SV2A: variants seen among roughly 807,000 people sequenced by gnomAD.
The protein encoded by SV2A is solute carrier family 22 member B1.
A neutral mutation model predicts 78.0 loss-of-function variants in SV2A; 25 were observed. The observed-to-expected ratio is 0.32, with a 90% CI of 0.23 to 0.45. The LOEUF is 0.45. SV2A is among the 20% of genes least tolerant of loss of function. SV2A has a pLI of 1.00. For missense variants in SV2A, 752 were observed against 971.5 expected (o/e 0.77, Z 3.00); for synonymous variants, 355 against 384.7 (o/e 0.92, Z 0.90).
At chr1:149,911,174 G>A (rs1173212609) in intron 3 of SV2A, among the ~76,000 whole-genome samples, 197 bp from the exon 4 acceptor site, 1 of 152,196 alleles carries the variant, frequency 6.6e-6, no homozygotes, top group African/African-American at 2.4e-5. Flanking sequence ...AGGCAAGCGA[G>A]TCTCAGGGAA....
In SV2A at chr1:149,910,876, A is replaced by G. The variant is rs587683683; in HGVS notation, c.905T>C (p.Ile302Thr). The stretch of plus-strand genomic sequence containing the variant: ...CATAGCAGCTGCGTACACGCCACCA[A>G]TCATCCAAAACATGCAGAGCCAGCT... ...HLSWLCMFWM[I>T]GGVYAAAMAW... The change falls in exon 4 of 13, where the codon ATT becomes ACT. Residue 302 changes from isoleucine to threonine, a missense_variant. This residue lies in a region of SV2A where 43 missense variants were observed against 70.8 expected (regional missense o/e 0.61). Coordinates refer to ENST00000369146, the MANE Select transcript of SV2A (RefSeq NM_014849.5). This position sits in a 1 kb window ranked among gnomAD's most constrained non-coding sequence, Gnocchi z 4.2. 3 of 1,614,248 alleles carry G rather than the reference A, an allele frequency of 1.9e-6. No homozygotes were observed. Among genetic ancestry groups the G allele is most frequent in the African/African-American group, 2.7e-5 (2 of 75,066 alleles).
Position 149,913,764 on chromosome 1 carries a change from G to A in SV2A, c.77C>T (p.Ala26Val), listed in dbSNP as rs1266350376. 9.9e-6 allele frequency: 16 copies of A among 1,613,898 alleles called. No homozygotes were observed. Among genetic ancestry groups the A allele is most frequent in the African/African-American group, 2.7e-5 (2 of 74,868 alleles). ...KDIAKEVKKH[A>V]AKKVVKGLDR... ...CAGGCCCTTCACCACCTTCTTGGCC[G>A]CATGCTTTTTGACTTCCTTAGCAAT... is the stretch of plus-strand genomic sequence containing the variant. Residue 26 changes from alanine (A) to valine (V), a missense_variant, in exon 2 of 13, where the codon GCG becomes GTG. Ala to Val is a moderately conservative substitution (Grantham distance 64). Coordinates refer to ENST00000369146, the MANE Select transcript of SV2A (RefSeq NM_014849.5).
At position 149,908,053 on chromosome 1, in the gene SV2A, G is replaced by A; in HGVS notation, c.1533C>T (p.Tyr511=). The A allele has an allele frequency of 6.2e-7, 1 of 1,614,088 alleles. No homozygotes were observed. The highest frequency in any genetic ancestry group is 8.5e-7 in the Non-Finnish European group (1 of 1,179,956). ...AAGTCCCCACATACTTGTCATTGAA[G>A]TACTGCCCGCCTCGGTGGATCTGAT... ...LENQIHRGGQ[Y]FNDKFIGLRL... The change falls in exon 9 of 13, where the codon TAC becomes TAT. Residue 511 remains tyrosine (Y), a synonymous_variant. Coordinates refer to ENST00000369146, the MANE Select transcript of SV2A (RefSeq NM_014849.5).
intron 1 of SV2A, among the ~76,000 whole-genome samples, chr1:149,915,751 A>T (rs2092508634): frequency 6.6e-6 from 1 of 152,148 alleles, no homozygotes; most frequent in Non-Finnish European, 1.5e-5. Context: ...CCCCCAAAAA[A>T]GACATTCTCC....
At position 149,912,668 on chromosome 1, in the gene SV2A, C is replaced by G. The variant is rs587648082; in HGVS notation, c.622+551G>C. The stretch of plus-strand genomic sequence containing the variant: ...TCTTTCTCTGTGAGTCTACGGGGTT[C>G]CTCCTCAGAGTCCCTGTCAGGAAAG... On this transcript the variant is annotated intron_variant, in intron 2 of 12. Coordinates refer to ENST00000369146, the MANE Select transcript of SV2A (RefSeq NM_014849.5). 5.9e-5 allele frequency among the ~76,000 whole-genome samples: 9 copies of G among 152,184 alleles called. No individual in the cohort carries two copies. The East Asian group carries it at 1.7e-3, about 29-fold the overall frequency.
Position 149,904,732 on chromosome 1 carries a change from G to C in SV2A, c.*282C>G. On this transcript the variant is annotated 3_prime_UTR_variant, in exon 13 of 13. Coordinates refer to ENST00000369146, the MANE Select transcript of SV2A (RefSeq NM_014849.5). ...GGGAAGCAAGGGCCCCTCTCTAACA[G>C]GGGGAGAAGGATGGGGCTCAGCCTT... 1 of 351,362 alleles carries C rather than the reference G, an allele frequency of 2.8e-6. No individual in the cohort carries two copies. Among genetic ancestry groups the C allele is most frequent in the Non-Finnish European group, 5.2e-6 (1 of 192,570 alleles). 21.8% of individuals were successfully genotyped at this position (351,362 alleles called of 1,614,324 possible).
intron 7 of SV2A, 34 bp downstream of exon 7, chr1:149,909,427 A>C (rs1571501706): frequency 3.2e-6 from 5 of 1,572,046 alleles, no homozygotes; most frequent in African/African-American, 1.4e-5. Flanking sequence ...CACTTCCCCC[A>C]CTCCCTTCTA....
Position 149,910,540 on chromosome 1 carries a change from AC to A in SV2A, c.1089+29del, listed in dbSNP as rs1356720815. 3 of 1,559,672 alleles carry A rather than the reference AC, an allele frequency of 1.9e-6. No individual in the cohort carries two copies. The highest frequency in any genetic ancestry group is 2.7e-5 in the African/African-American group (2 of 73,408). ...GTCCACACTCCACAGCCCGCACCCC[AC>A]CCCACCCCATGCAGCTCAGCCCCAT... On this transcript the variant is annotated intron_variant, in intron 5 of 12. Coordinates refer to ENST00000369146, the MANE Select transcript of SV2A (RefSeq NM_014849.5). The surrounding 1 kb of genome is among the most constrained non-coding windows in gnomAD (Gnocchi z 4.2).
chr1:149,913,954 G>T lies in SV2A; in HGVS notation c.-114C>A, dbSNP rs1272424179. On this transcript the variant is annotated 5_prime_UTR_variant, in exon 2 of 13. Coordinates refer to ENST00000369146, the MANE Select transcript of SV2A (RefSeq NM_014849.5). ...CCCTCCCCACAGTTACTTAGATGAA[G>T]CGTGTTCCAGTATCTCTGGGCACAA... 2 of 1,460,846 alleles carry T rather than the reference G, an allele frequency of 1.4e-6. No homozygotes were observed. Among genetic ancestry groups the T allele is most frequent in the African/African-American group, 1.4e-5 (1 of 70,648 alleles). The allele number at this position is 1,460,846 out of a possible 1,614,324, so 90.5% of individuals were successfully genotyped here. A position where few individuals can be genotyped will look rare whatever the true frequency, so the allele number is the denominator to read the frequency against.
chr1:149,909,475 T>C lies in SV2A; in HGVS notation c.1276A>G (p.Ser426Gly), dbSNP rs782309397. 6.1e-5 allele frequency: 99 copies of C among 1,613,026 alleles called. No homozygotes were observed. The highest frequency in any genetic ancestry group is 8.2e-5 in the Non-Finnish European group (97 of 1,179,612). ...TCCACCATTACCTGCCCCCCTAGGC[T>C]CAAGGCCCGGACCCCCCAGCGCTGG... ...WYQRWGVRALSLGGQVWGNFL... is the reference protein window; with the variant it reads ...WYQRWGVRALGLGGQVWGNFL... The change falls in exon 7 of 13, where the codon AGC (serine) becomes GGC (glycine). Residue 426 changes from serine to glycine, a missense_variant. Physicochemically the swap from Ser to Gly is moderately conservative, Grantham distance 56 (BLOSUM62 0). Transcript: ENST00000369146.
rs782123643 is a variant in SV2A, at chr1:149,909,497, C to A, written c.1254G>T (p.Gln418His). 6.2e-7 allele frequency: 1 copy of A among 1,613,922 alleles called. No individual in the cohort carries two copies. Among genetic ancestry groups the A allele is most frequent in the South Asian group, 1.1e-5 (1 of 91,078 alleles). ...GGCTCAAGGCCCGGACCCCCCAGCG[C>A]TGGTACCAGGTCCCTGTGTCCGACT... ...EIQSDTGTWY[Q>H]RWGVRALSLG... The change falls in exon 7 of 13, where the codon CAG becomes CAT. Residue 418 changes from glutamine to histidine, a missense_variant. Transcript: ENST00000369146.
In SV2A at chr1:149,913,589, A is replaced by G. The variant is rs1553764127; in HGVS notation, c.252T>C (p.Thr84=). 2 of 1,614,112 alleles carry G rather than the reference A, an allele frequency of 1.2e-6. No homozygotes were observed. The highest frequency in any genetic ancestry group is 2.2e-5 in the South Asian group (2 of 91,072). ...TCTCATCATCCTCGTCATGGCCCTC[A>G]GTAGCATCACTGGATGCACCACCTT... is the stretch of plus-strand genomic sequence containing the variant. ...EEEGGASSDA[T]EGHDEDDEIY... Residue 84 remains threonine (T), a synonymous_variant, in exon 2 of 13, where the codon ACT becomes ACC. Coordinates refer to ENST00000369146, the MANE Select transcript of SV2A (RefSeq NM_014849.5).
chr1:149,909,754 TG>T (rs1559789122), intron 6 of SV2A, 46 bp downstream of exon 6: 2 of 1,599,282 alleles, frequency 1.3e-6, no homozygotes, highest in Admixed American at 3.3e-5. Context: ...AGGTAGGGGC[TG>T]GGGCTGCAGG....
Position 149,909,906 on chromosome 1 carries a change from C to G in SV2A, c.1090-16G>C. 6.2e-7 allele frequency: 1 copy of G among 1,613,300 alleles called. No individual in the cohort carries two copies. The highest frequency in any genetic ancestry group is 8.5e-7 in the Non-Finnish European group (1 of 1,179,438). ...GCTTTCCATTCTAGAGCCAAAGACACAATCCCCACATCCAAGTCAGCCCCT... is the reference window on the plus strand; with the variant it reads ...GCTTTCCATTCTAGAGCCAAAGACAGAATCCCCACATCCAAGTCAGCCCCT... On this transcript the variant is annotated splice_polypyrimidine_tract_variant and intron_variant, in intron 5 of 12. Transcript: ENST00000369146.
intron 10 of SV2A, 150 bp from the exon 11 acceptor site, chr1:149,907,006 C>G: frequency 1.4e-6 from 2 of 1,469,910 alleles, no homozygotes; most frequent in Non-Finnish European, 1.8e-6. Context: ...CATCAAATAA[C>G]ATCACCATGG....
intron 3 of SV2A, among the ~76,000 whole-genome samples, 158 bp from the exon 4 acceptor site, chr1:149,911,135 A>G (rs1338247470): frequency 6.6e-6 from 1 of 152,190 alleles, no homozygotes; most frequent in African/African-American, 2.4e-5. Context: ...GCCAGCCATC[A>G]AGCACCCATC....
rs782637177 is a variant in SV2A at position 149,910,814 on chromosome 1, G to T, written c.955+12C>A. 10 of 1,613,200 alleles carry T rather than the reference G, an allele frequency of 6.2e-6. No individual in the cohort carries two copies. The South Asian group carries it at 1.1e-4, about 18-fold the overall frequency. On this transcript the variant is annotated intron_variant, in intron 4 of 12. Coordinates refer to ENST00000369146, the MANE Select transcript of SV2A (RefSeq NM_014849.5). This position sits in a 1 kb window ranked among gnomAD's most constrained non-coding sequence, Gnocchi z 4.2. ...GGAGATAACCTGGGGTGGATTTCCG[G>T]GGGCTGCTCACCATAGTGGGGGATG...
Position 149,910,975 on chromosome 1 carries a change from A to G in SV2A, c.806T>C (p.Ile269Thr). 1 of 1,613,256 alleles carries G rather than the reference A, an allele frequency of 6.2e-7. No homozygotes were observed. The highest frequency in any genetic ancestry group is 8.5e-7 in the Non-Finnish European group (1 of 1,179,626). Residue 269 changes from isoleucine to threonine, a missense_variant and splice_region_variant, in exon 4 of 13, where the codon ATT becomes ACT. By Grantham distance (89) the Ile-to-Thr change is moderately conservative (BLOSUM62 -1). This residue lies in a region of SV2A where 291 missense variants were observed against 359.5 expected (regional missense o/e 0.81). Coordinates refer to ENST00000369146, the MANE Select transcript of SV2A (RefSeq NM_014849.5). This position sits in a 1 kb window ranked among gnomAD's most constrained non-coding sequence, Gnocchi z 4.2. ...LFCRLLSGVGIGGSIPIVFSY... is the reference protein window; with the variant it reads ...LFCRLLSGVGTGGSIPIVFSY... ...GAAGACAATGGGGATGGACCCTCCA[A>G]TCCTGAAGTGCATTTCAAGAATTCA...
chr1:149,907,879 C>T (rs377240649), intron 9 of SV2A, 46 bp from the exon 10 acceptor site: 1 of 1,602,258 alleles, frequency 6.2e-7, no homozygotes, highest in Non-Finnish European at 8.5e-7. Flanking sequence ...CATCCTCATG[C>T]CCCCTCCAAG....
Sources: gnomAD v4.1 joint callset for allele counts (sites outside exome capture counted in the v4.1 genomes callset) on GRCh38, gnomAD v4.1.1 for gene constraint, gnomAD v4.1.1 regional missense constraint, Gnocchi (gnomAD v3.1) non-coding constraint, MANE v1.5 for transcripts, NCBI Gene and HGNC (gene_info 2026-07-23, HGNC 2026-07-21) for gene names.